PXDN: variants seen among roughly 807,000 people sequenced by gnomAD.
PXDN encodes peroxidasin homolog.
Under a neutral mutation model 140.3 loss-of-function variants are expected in PXDN, and 77 were observed. The ratio of observed to expected loss-of-function variants is 0.55; its 90% CI spans 0.46 to 0.66. PXDN has a LOEUF of 0.66. PXDN is among the 30% of genes least tolerant of loss of function. The pLI is 0.00. For missense variants in PXDN, 1,838 were observed against 2,039.5 expected (o/e 0.90, Z 1.90); for synonymous variants, 911 against 857.4 (o/e 1.06, Z -1.09).
intron 10 of PXDN, among the ~76,000 whole-genome samples, chr2:1,665,629 C>G (rs960265208): frequency 2.6e-5 from 4 of 152,224 alleles, no homozygotes; most frequent in Non-Finnish European, 5.9e-5. Context: ...CAGGAAAGGG[C>G]TGAAGAGAGG....
rs75714759 is a variant in PXDN at position 1,735,347 on chromosome 2, T to G, written c.200+8909A>C. 4.6e-3 allele frequency among the ~76,000 whole-genome samples: 694 copies of G among 152,340 alleles called. 2 individuals are homozygous for G. Among genetic ancestry groups the G allele is most frequent in the Non-Finnish European group, 7.4e-3 (502 of 68,034 alleles). On this transcript the variant is annotated intron_variant, in intron 1 of 22. Transcript: ENST00000252804. ...GGTTTTCAGTTGACTTTGCCCAGTTTAATCAGAGAAATCGCTATCTATAGC... is the reference window on the plus strand; with the variant it reads ...GGTTTTCAGTTGACTTTGCCCAGTTGAATCAGAGAAATCGCTATCTATAGC...
chr2:1,744,343 C>T lies in PXDN; in HGVS notation c.113G>A (p.Ser38Asn). The T allele has an allele frequency of 1.3e-6, 2 of 1,527,804 alleles. No homozygotes were observed. The highest frequency in any genetic ancestry group is 8.7e-7 in the Non-Finnish European group (1 of 1,143,762). The allele number at this position is 1,527,804 out of a possible 1,614,324, so 94.6% of individuals were successfully genotyped here. The change falls in exon 1 of 23, where the codon AGC (serine) becomes AAC (asparagine). Residue 38 changes from serine (S) to asparagine (N), a missense_variant. Coordinates refer to ENST00000252804, the MANE Select transcript of PXDN (RefSeq NM_012293.3). ...GGTGGTGCGGAAGCACAGGCAGCGGCTCGGACACCCTGCGCCCGGCTTCTG... is the reference window on the plus strand; with the variant it reads ...GGTGGTGCGGAAGCACAGGCAGCGGTTCGGACACCCTGCGCCCGGCTTCTG... ...VAQKPGAGCP[S>N]RCLCFRTTVR...
At chr2:1,739,883 G>A (rs540890912) in intron 1 of PXDN, among the ~76,000 whole-genome samples, 4 of 152,340 alleles carry the variant, frequency 2.6e-5, no homozygotes, top group East Asian at 1.9e-4. Flanking sequence ...ATGTATTTGC[G>A]TGGCAATAAT....
intron 1 of PXDN, among the ~76,000 whole-genome samples, chr2:1,701,856 G>C (rs547342831): frequency 6.6e-6 from 1 of 152,282 alleles, no homozygotes; most frequent in East Asian, 1.9e-4. Flanking sequence ...CAGCGGTCTT[G>C]TCCTGTCCAC....
rs1329814894 is a variant in PXDN at position 1,710,938 on chromosome 2, T to TCCACCAGCACCCGCTCTCC, written c.201-17805_201-17804insGGAGAGCGGGTGCTGGTGG. On this transcript the variant is annotated intron_variant, in intron 1 of 22. Transcript: ENST00000252804. ...GCACCCACTCCACCAGCACCCACTC[T>TCCACCAGCACCCGCTCTCC]ATGAACACCCGCTCCACCAGTACCC... Among the ~76,000 whole-genome samples, 15 of 88,976 alleles carry TCCACCAGCACCCGCTCTCC rather than the reference T, an allele frequency of 1.7e-4. 1 individual carries two copies. The highest frequency in any genetic ancestry group is 1.2e-3 in the East Asian group (1 of 846). The allele number at this position is 88,976 out of a possible 152,430, so 58.4% of individuals were successfully genotyped here. A position where few individuals can be genotyped will look rare whatever the true frequency, so the allele number is the denominator to read the frequency against.
chr2:1,741,135 G>A (rs1179512770), intron 1 of PXDN, among the ~76,000 whole-genome samples: 1 of 152,148 alleles, frequency 6.6e-6, no homozygotes, highest in East Asian at 1.9e-4. Flanking sequence ...TAGCTCCAGT[G>A]TGTCCAGCCA....
chr2:1,712,600 C>G (rs1684808073), intron 1 of PXDN, among the ~76,000 whole-genome samples: 2 of 152,210 alleles, frequency 1.3e-5, no homozygotes, highest in Admixed American at 6.5e-5. Flanking sequence ...AGCGAATCCC[C>G]AGGGACGGCC....
At chr2:1,733,708 C>T (rs1423766292) in intron 1 of PXDN, among the ~76,000 whole-genome samples, 4 of 138,756 alleles carry the variant, frequency 2.9e-5, no homozygotes, top group South Asian at 2.4e-4. Context: ...TGCCACTGTA[C>T]TCCACCCTGG....
Position 1,714,887 on chromosome 2 carries a change from G to A in PXDN, c.201-21753C>T, listed in dbSNP as rs766418357. ...CCAGGCTCTGGGAGCCTGGCCTGGC[G>A]CCCTGTCTTGCTCACCCTGTCCCAG... On this transcript the variant is annotated intron_variant, in intron 1 of 22. Transcript: ENST00000252804. This position sits in a 1 kb window ranked among gnomAD's most constrained non-coding sequence, Gnocchi z 4.3. Among the ~76,000 whole-genome samples, 12 of 152,108 alleles carry A rather than the reference G, an allele frequency of 7.9e-5. No homozygotes were observed. The highest frequency in any genetic ancestry group is 1.6e-4 in the Non-Finnish European group (11 of 68,018).
At chr2:1,656,838 C>T (rs2125417695) in intron 14 of PXDN, among the ~76,000 whole-genome samples, 1 of 149,486 alleles carries the variant, frequency 6.7e-6, no homozygotes, top group African/African-American at 2.5e-5. Context: ...GAAACCTGTA[C>T]CCTCTTGACA....
intron 5 of PXDN, among the ~76,000 whole-genome samples, 171 bp downstream of exon 5, chr2:1,683,909 C>T (rs750061632): frequency 7.2e-5 from 11 of 152,156 alleles, no homozygotes; most frequent in Non-Finnish European, 1.5e-4. Context: ...TCAACACTCT[C>T]AATTAAAGAG....
intron 18 of PXDN, 87 bp from the exon 19 acceptor site, chr2:1,643,663 G>T: frequency 1.4e-6 from 2 of 1,402,562 alleles, no homozygotes; most frequent in Non-Finnish European, 1.0e-6. Context: ...CCCCTGCTTA[G>T]TTCACAGCAA....
chr2:1,705,200 G>A (rs1215659644), intron 1 of PXDN, among the ~76,000 whole-genome samples: 1 of 151,888 alleles, frequency 6.6e-6, no homozygotes, highest in Admixed American at 6.6e-5. Context: ...ACACATCCCA[G>A]GGGCCCTGGG....
chr2:1,740,135 C>A (rs1446181109), intron 1 of PXDN, among the ~76,000 whole-genome samples: 1 of 152,222 alleles, frequency 6.6e-6, no homozygotes, highest in Non-Finnish European at 1.5e-5. Context: ...TGTGAGGGAA[C>A]TTCCCGGGAG....
chr2:1,644,863 A>G (rs1682815930), intron 17 of PXDN, 111 bp from the exon 18 acceptor site: 1 of 1,166,856 alleles, frequency 8.6e-7, no homozygotes, highest in Non-Finnish European at 1.1e-6. Flanking sequence ...CATTATTTAG[A>G]ATTTTACTTA....
At position 1,712,437 on chromosome 2, in the gene PXDN, A is replaced by C. The variant is rs1423482907; in HGVS notation, c.201-19303T>G. Among the ~76,000 whole-genome samples the C allele has an allele frequency of 2.0e-5, 3 of 152,240 alleles. 1 individual carries two copies. Among genetic ancestry groups the C allele is most frequent in the African/African-American group, 7.2e-5 (3 of 41,452 alleles). ...GGGTTCAACTTTTTATAATCAGCCT[A>C]TAGAGAGACTGTGGAAGACAACTGT... On this transcript the variant is annotated intron_variant, in intron 1 of 22. Coordinates refer to ENST00000252804, the MANE Select transcript of PXDN (RefSeq NM_012293.3).
At chr2:1,734,691 AC>A (rs1685391436) in intron 1 of PXDN, among the ~76,000 whole-genome samples, 1 of 151,926 alleles carries the variant, frequency 6.6e-6, no homozygotes, top group African/African-American at 2.4e-5. Context: ...ACATGGTGAA[AC>A]CCCGTCTCTC....
intron 18 of PXDN, among the ~76,000 whole-genome samples, chr2:1,643,847 C>G (rs753501158): frequency 1.3e-5 from 2 of 151,882 alleles, no homozygotes; most frequent in Non-Finnish European, 2.9e-5. Context: ...CCGAGGTGGG[C>G]GGATCACGAG....
rs1682469081 is a variant in PXDN, at chr2:1,633,538, G to GT, written c.*665_*666insA. The GT allele has an allele frequency of 6.6e-6, 1 of 151,904 alleles. No individual in the cohort carries two copies. Among genetic ancestry groups the GT allele is most frequent in the African/African-American group, 2.4e-5 (1 of 41,282 alleles). The allele number at this position is 151,904 out of a possible 1,614,324, so 9.4% of individuals were successfully genotyped here. A position where few individuals can be genotyped will look rare whatever the true frequency, so the allele number is the denominator to read the frequency against. On this transcript the variant is annotated 3_prime_UTR_variant, in exon 23 of 23. Transcript: ENST00000252804. ...TCGAGCAGCGGGAATGTTTGTCTTG[G>GT]GATTAGATGCTGACGTGTGGTGAAA...
Sources: allele counts gnomAD v4.1 joint callset (sites outside exome capture counted in the v4.1 genomes callset), GRCh38; gene constraint gnomAD v4.1.1; non-coding constraint Gnocchi (gnomAD v3.1); transcripts MANE v1.5; gene names NCBI Gene and HGNC (gene_info 2026-07-23, HGNC 2026-07-21).